The following EPHA5 variants were observed in gnomAD, a reference collection of about 807,000 sequenced individuals.
The protein encoded by EPHA5 is EPH receptor A5.
EPHA5 carries 60 observed loss-of-function variants against 105.0 expected under a neutral mutation model. The ratio of observed to expected loss-of-function variants is 0.57; its 90% CI spans 0.46 to 0.71. EPHA5 has a LOEUF of 0.71. Ranked by LOEUF, EPHA5 falls within the 30% of genes least tolerant of loss-of-function variation. The probability of loss-of-function intolerance (pLI) is 0.00; values close to 1 mark genes in which losing one functional copy is unlikely to be tolerated. For synonymous variants in EPHA5, 513 were observed against 449.1 expected, an observed-to-expected ratio of 1.14 and a Z score of -1.80; for missense variants, 1,218 against 1,274.7, an observed-to-expected ratio of 0.96 and a Z score of 0.68.
chr4:65,377,349 A>G (rs1369121521), intron 8 of EPHA5, among the ~76,000 whole-genome samples: 1 of 152,040 alleles, frequency 6.6e-6, no homozygotes, highest in Non-Finnish European at 1.5e-5. Context: ...TATGCAATTC[A>G]TATAGACATA....
chr4:65,329,156 A>T (rs1004312888), intron 16 of EPHA5, among the ~76,000 whole-genome samples: 2 of 151,366 alleles, frequency 1.3e-5, no homozygotes, highest in Non-Finnish European at 3.0e-5. Context: ...ATCCCTGTTG[A>T]CAATAACCCA....
intron 8 of EPHA5, among the ~76,000 whole-genome samples, chr4:65,373,189 C>T (rs564985016): frequency 3.3e-5 from 5 of 151,974 alleles, no homozygotes; most frequent in Admixed American, 2.6e-4. Context: ...TCTGAAGCTT[C>T]ATAGTTATTT....
At chr4:65,504,099 A>G (rs1732765885) in intron 3 of EPHA5, among the ~76,000 whole-genome samples, 1 of 151,482 alleles carries the variant, frequency 6.6e-6, no homozygotes, top group African/African-American at 2.4e-5. Flanking sequence ...AGGATTATCA[A>G]TTTCACATTT....
chr4:65,534,460 A>G (rs1410840753), intron 3 of EPHA5, among the ~76,000 whole-genome samples: 1 of 152,192 alleles, frequency 6.6e-6, no homozygotes, highest in Non-Finnish European at 1.5e-5. Context: ...ACCAAACAAA[A>G]GCAAAATAAA....
At chr4:65,561,011 G>A (rs1434894778) in intron 3 of EPHA5, among the ~76,000 whole-genome samples, 1 of 151,844 alleles carries the variant, frequency 6.6e-6, no homozygotes, top group East Asian at 1.9e-4. Flanking sequence ...CTCATATTGA[G>A]TAAAACATAA....
chr4:65,543,038 C>T (rs532498478), intron 3 of EPHA5, among the ~76,000 whole-genome samples: 5 of 152,128 alleles, frequency 3.3e-5, no homozygotes, highest in African/African-American at 1.2e-4. Context: ...AAGGTAAAAA[C>T]TCTTAATAAA....
At chr4:65,365,401 C>A (rs939389936) in intron 10 of EPHA5, among the ~76,000 whole-genome samples, 199 bp from the exon 11 acceptor site, 2 of 150,892 alleles carry the variant, frequency 1.3e-5, no homozygotes, top group Non-Finnish European at 3.0e-5. Flanking sequence ...TACATTGGAA[C>A]AAATCATAAC....
At position 65,599,877 on chromosome 4, in the gene EPHA5, T is replaced by A. The variant is rs187947987; in HGVS notation, c.910+1764A>T. 8.6e-4 allele frequency among the ~76,000 whole-genome samples: 131 copies of A among 152,264 alleles called. 1 individual carries two copies. The highest frequency in any genetic ancestry group is 2.9e-3 in the African/African-American group (121 of 41,564). On this transcript the variant is annotated intron_variant, in intron 3 of 16. Coordinates refer to ENST00000613740, the MANE Select transcript of EPHA5 (RefSeq NM_001281766.3). The stretch of plus-strand genomic sequence containing the variant: ...TGTCAGAACGCTGCCTCCCAGGATT[T>A]TTGTGACTATCACCAGCAGAATGTT...
At chr4:65,397,943 A>G (rs766736787) in intron 8 of EPHA5, among the ~76,000 whole-genome samples, 12 of 152,168 alleles carry the variant, frequency 7.9e-5, no homozygotes, top group Admixed American at 5.9e-4. Flanking sequence ...GCAGTTGCAA[A>G]GAAGCTGGCT....
intron 4 of EPHA5, among the ~76,000 whole-genome samples, chr4:65,491,128 G>A (rs914995068): frequency 6.6e-6 from 1 of 150,772 alleles, no homozygotes; most frequent in South Asian, 2.1e-4. Flanking sequence ...TAAGAAACAA[G>A]CATAGGAAAA....
chr4:65,391,603 G>T (rs1413417905), intron 8 of EPHA5, among the ~76,000 whole-genome samples: 1 of 152,024 alleles, frequency 6.6e-6, no homozygotes, highest in Non-Finnish European at 1.5e-5. Flanking sequence ...TGTGGAGCTG[G>T]GTATCAGGTT....
In EPHA5 at chr4:65,490,639, A is replaced by C; in HGVS notation, c.1140T>G (p.Pro380=). The C allele has an allele frequency of 6.2e-7, 1 of 1,614,164 alleles. No individual in the cohort carries two copies. The highest frequency in any genetic ancestry group is 8.5e-7 in the Non-Finnish European group (1 of 1,180,022). The change falls in exon 5 of 17, where the codon CCT becomes CCG. Residue 380 remains proline, a synonymous_variant. Transcript: ENST00000613740. The part of the protein sequence containing the change: ...ETSVFLEWIP[P]ADTGGRKDVS... ...CGTCTTTCCTTCCACCAGTGTCAGC[A>C]GGCGGAATCCATTCCAGAAAGACAC...
At chr4:65,438,897 G>A (rs1725748722) in intron 5 of EPHA5, among the ~76,000 whole-genome samples, 1 of 152,110 alleles carries the variant, frequency 6.6e-6, no homozygotes, top group African/African-American at 2.4e-5. Context: ...ACTTAGAACT[G>A]AAGTTCTGAG....
intron 5 of EPHA5, among the ~76,000 whole-genome samples, chr4:65,475,892 T>C (rs190206031): frequency 2.6e-5 from 4 of 152,126 alleles, no homozygotes; most frequent in Admixed American, 6.6e-5. Context: ...AGAAAGAAGA[T>C]AGCATTAACA....
chr4:65,657,583 T>A (rs1749184866), intron 1 of EPHA5, among the ~76,000 whole-genome samples: 1 of 152,144 alleles, frequency 6.6e-6, no homozygotes, highest in Non-Finnish European at 1.5e-5. Flanking sequence ...AATCATAGAA[T>A]CTTTTAGTTG....
At chr4:65,386,345 T>C (rs1198927258) in intron 8 of EPHA5, among the ~76,000 whole-genome samples, 4 of 151,928 alleles carry the variant, frequency 2.6e-5, no homozygotes, top group Non-Finnish European at 4.4e-5. Context: ...TAAGCAACGA[T>C]GTTCTAGGTT....
intron 14 of EPHA5, among the ~76,000 whole-genome samples, chr4:65,340,281 C>A (rs143004020): frequency 2.0e-5 from 3 of 152,014 alleles, no homozygotes; most frequent in African/African-American, 7.2e-5. Context: ...CTTCATGTTG[C>A]GATATATATA....
intron 1 of EPHA5, among the ~76,000 whole-genome samples, chr4:65,645,751 T>C (rs1244964357): frequency 6.6e-6 from 1 of 152,064 alleles, no homozygotes; most frequent in African/African-American, 2.4e-5. Context: ...AATAACTACA[T>C]TAGGAATCTC....
chr4:65,367,881 C>T (rs1458997609), intron 8 of EPHA5, among the ~76,000 whole-genome samples: 3 of 151,990 alleles, frequency 2.0e-5, no homozygotes, highest in Non-Finnish European at 4.4e-5. Context: ...TTTTGGAATC[C>T]TCAGTTGCTC....
Sources: allele counts gnomAD v4.1 joint callset (sites outside exome capture counted in the v4.1 genomes callset), GRCh38; gene constraint gnomAD v4.1.1; transcripts MANE v1.5; gene names NCBI Gene and HGNC (gene_info 2026-07-23, HGNC 2026-07-21).